Variants in GSE1 observed in about 807,000 individuals in gnomAD.
The protein encoded by GSE1 is Gse1 coiled-coil protein.
A neutral mutation model predicts 112.6 loss-of-function variants in GSE1; 32 were observed. The observed-to-expected ratio is 0.28, with a 90% CI of 0.21 to 0.38. The LOEUF (loss-of-function observed/expected upper bound fraction) is 0.38. Among genes scored for constraint, GSE1 ranks in the 10% least tolerant of loss-of-function variants. The pLI is 1.00. For synonymous variants in GSE1, 1,115 were observed against 735.6 expected (o/e 1.52, Z -8.35); for missense variants, 2,348 against 1,699.2 (o/e 1.38, Z -6.71).
At chr16:85,242,140 C>A (rs1457695352) in intron 1 of GSE1, among the ~76,000 whole-genome samples, 1 of 152,204 alleles carries the variant, frequency 6.6e-6, no homozygotes, top group Non-Finnish European at 1.5e-5. Context: ...CCATCACACG[C>A]CAGGCATCTC....
At chr16:85,464,688 A>T (rs996725494) in intron 2 of GSE1, among the ~76,000 whole-genome samples, 1 of 152,144 alleles carries the variant, frequency 6.6e-6, no homozygotes, top group African/African-American at 2.4e-5. Flanking sequence ...TGGTGGTTGG[A>T]TCCTGTGCTG....
chr16:85,581,653 AGGTTT>A (rs1337194348), intron 1 of GSE1, among the ~76,000 whole-genome samples: 1 of 152,156 alleles, frequency 6.6e-6, no homozygotes, highest in Non-Finnish European at 1.5e-5. Context: ...ACAGAGAGAC[AGGTTT>A]GGTCCAGCAA....
chr16:85,294,612 T>TCTCA (rs1283369812), intron 1 of GSE1, among the ~76,000 whole-genome samples: 2 of 94,312 alleles, frequency 2.1e-5, no homozygotes, highest in Non-Finnish European at 4.5e-5. Context: ...CCAGCACGCC[T>TCTCA]CTCACTCTCT....
intron 2 of GSE1, chr16:85,463,221 C>G (rs997494272): frequency 1.4e-5 from 7 of 483,064 alleles, no homozygotes; most frequent in African/African-American, 4.2e-5. Flanking sequence ...GGAACCTGGC[C>G]CCGCACTCAC....
intron 2 of GSE1, among the ~76,000 whole-genome samples, chr16:85,499,635 G>A (rs1473490316): frequency 1.3e-5 from 2 of 152,144 alleles, no homozygotes; most frequent in Admixed American, 6.5e-5. Context: ...GCACCTCAGC[G>A]TGAATGTACT....
At chr16:85,645,854 C>T (rs1257785546) in intron 2 of GSE1, among the ~76,000 whole-genome samples, 2 of 152,084 alleles carry the variant, frequency 1.3e-5, no homozygotes, top group South Asian at 2.1e-4. Flanking sequence ...TGCATGCATT[C>T]TACCTGCTTC....
chr16:85,621,826 G>A (rs141843395), intron 1 of GSE1, among the ~76,000 whole-genome samples: 153 of 152,248 alleles, frequency 1.0e-3, no homozygotes, highest in Non-Finnish European at 1.8e-3. Context: ...AGGGGAGGGC[G>A]CTCCGGCCCA....
At chr16:85,290,609 C>G (rs1235484143) in intron 1 of GSE1, among the ~76,000 whole-genome samples, 2 of 152,188 alleles carry the variant, frequency 1.3e-5, no homozygotes, top group Non-Finnish European at 2.9e-5. Flanking sequence ...ACACACCATG[C>G]CAGGTGTTCT....
At chr16:85,288,860 T>C (rs929049098) in intron 1 of GSE1, among the ~76,000 whole-genome samples, 3 of 151,428 alleles carry the variant, frequency 2.0e-5, no homozygotes, top group African/African-American at 7.3e-5. Context: ...GGAGTGGGGG[T>C]AAAATTCAGT....
At chr16:85,608,189 G>A (rs1173593816), upstream of GSE1, among the ~76,000 whole-genome samples, 1 of 152,184 alleles carries the variant, frequency 6.6e-6, no homozygotes, top group Non-Finnish European at 1.5e-5. Flanking sequence ...GAGGAGGGTG[G>A]AATCTAAGTG....
chr16:85,602,527 C>T (rs7202349), intron 1 of GSE1, among the ~76,000 whole-genome samples: 6,113 of 152,132 alleles, frequency 0.04, 402 homozygotes, highest in African/African-American at 0.14. Context: ...GATCCCTGCC[C>T]GACCCACATC....
chr16:85,504,534 C>T (rs4072118), intron 2 of GSE1, among the ~76,000 whole-genome samples: 6 of 152,152 alleles, frequency 3.9e-5, no homozygotes, highest in East Asian at 3.9e-4. Flanking sequence ...GTGAAGCCGA[C>T]GAGTCTTTGG....
chr16:85,218,753 T>C (rs2075343840), intron 1 of GSE1, among the ~76,000 whole-genome samples: 1 of 152,250 alleles, frequency 6.6e-6, no homozygotes, highest in Non-Finnish European at 1.5e-5. Context: ...TGGTCTTGCG[T>C]CTACTTCATC....
At chr16:85,655,372 C>T (rs1181856198) in intron 5 of GSE1, among the ~76,000 whole-genome samples, 1 of 152,192 alleles carries the variant, frequency 6.6e-6, no homozygotes, top group African/African-American at 2.4e-5. Context: ...CTCTGCCCAT[C>T]CTTGTCAGAG....
chr16:85,575,045 CT>C (rs2046170412), intron 1 of GSE1, among the ~76,000 whole-genome samples: 1 of 151,682 alleles, frequency 6.6e-6, no homozygotes, highest in Non-Finnish European at 1.5e-5. Flanking sequence ...CCCGCTCCCC[CT>C]CTCCCCCGCC....
chr16:85,495,608 C>T (rs1438450570), intron 2 of GSE1, among the ~76,000 whole-genome samples: 6 of 151,946 alleles, frequency 3.9e-5, no homozygotes, highest in Non-Finnish European at 8.8e-5. Context: ...GCAATTCTTA[C>T]GCCTCTCAAT....
intron 1 of GSE1, among the ~76,000 whole-genome samples, chr16:85,286,813 G>C (rs1028564869): frequency 6.6e-6 from 1 of 152,212 alleles, no homozygotes; most frequent in South Asian, 2.1e-4. Context: ...CAGCGAGTGG[G>C]ATGTTTTCTT....
In GSE1 at chr16:85,666,198, G is replaced by A; in HGVS notation, c.2981G>A (p.Gly994Asp). The A allele has an allele frequency of 6.2e-7, 1 of 1,613,592 alleles. No individual in the cohort carries two copies. Among genetic ancestry groups the A allele is most frequent in the African/African-American group, 1.3e-5 (1 of 75,052 alleles). ...KSLSMLHYIR[G>D]AAPKDIPVPL... ...CTGAGCATGCTTCACTATATCCGGG[G>A]CGCTGCACCCAAGGACATTCCTGTG... The change falls in exon 13 of 16, where the codon GGC (glycine) becomes GAC (aspartate). Residue 994 changes from glycine to aspartate, a missense_variant. Gly to Asp is a moderately conservative substitution (Grantham distance 94). Transcript: ENST00000253458.
rs984691309 is a variant in GSE1 at position 85,663,527 on chromosome 16, G to A, written c.2557G>A (p.Glu853Lys). ...GCTGTCTACCCGCTACAGCCCTGAT[G>A]AGATGAACAACAGTCCCAACTTCGA... ...LALSTRYSPD[E>K]MNNSPNFEEK... The change falls in exon 11 of 16, where the codon GAG becomes AAG. Residue 853 changes from glutamate (E) to lysine (K), a missense_variant. Transcript: ENST00000253458. 6.2e-7 allele frequency: 1 copy of A among 1,613,866 alleles called. No homozygotes were observed. Among genetic ancestry groups the A allele is most frequent in the African/African-American group, 1.3e-5 (1 of 74,974 alleles).
Sources: gnomAD v4.1 joint callset for allele counts (sites outside exome capture counted in the v4.1 genomes callset) on GRCh38, gnomAD v4.1.1 for gene constraint, MANE v1.5 for transcripts, NCBI Gene and HGNC (gene_info 2026-07-23, HGNC 2026-07-21) for gene names.